CFAP299: variants seen among roughly 807,000 people sequenced by gnomAD.
CFAP299 encodes cilia- and flagella-associated protein 299.
A neutral mutation model predicts 27.0 loss-of-function variants in CFAP299; 21 were observed. That is an observed-to-expected ratio of 0.78 (90% CI 0.55 to 1.12). The LOEUF (loss-of-function observed/expected upper bound fraction) is 1.12. CFAP299 is among the 50% of genes most tolerant of loss of function. The probability of loss-of-function intolerance (pLI) is 0.00; values close to 1 mark genes in which losing one functional copy is unlikely to be tolerated. For missense variants in CFAP299, 310 were observed against 276.6 expected, an observed-to-expected ratio of 1.12 and a Z score of -0.86; for synonymous variants, 104 against 98.1, an observed-to-expected ratio of 1.06 and a Z score of -0.36.
intron 2 of CFAP299, chr4:80,387,496 C>T: frequency 2.4e-6 from 2 of 818,178 alleles, no homozygotes; most frequent in South Asian, 3.0e-5. Flanking sequence ...GGCTGTGGGC[C>T]AGGCCTGGAG....
intron 3 of CFAP299, among the ~76,000 whole-genome samples, chr4:80,679,304 C>T (rs1474636482): frequency 1.3e-5 from 2 of 151,922 alleles, no homozygotes; most frequent in Non-Finnish European, 2.9e-5. Context: ...TTTGTTTGCC[C>T]TTCAGTCAAT....
chr4:80,577,239 A>G (rs927440743), intron 2 of CFAP299, among the ~76,000 whole-genome samples: 1 of 152,162 alleles, frequency 6.6e-6, no homozygotes, highest in Non-Finnish European at 1.5e-5. Context: ...TATACTTCCT[A>G]TTAGAGTTTA....
upstream of CFAP299, among the ~76,000 whole-genome samples, chr4:80,335,411 T>C (rs1470672583): frequency 6.6e-6 from 1 of 152,262 alleles, no homozygotes; most frequent in African/African-American, 2.4e-5. Context: ...TATTTTTGTC[T>C]TGCATAACAT....
chr4:80,687,286 C>T lies in CFAP299; in HGVS notation c.333+104103C>T, dbSNP rs140997879. Among the ~76,000 whole-genome samples, 772 of 152,300 alleles carry T rather than the reference C, an allele frequency of 5.1e-3. 5 individuals carry two copies. The highest frequency in any genetic ancestry group is 0.02 in the Middle Eastern group (6 of 294). ...CGTGTCACACCCCAGCTCTACCACTCGTGATCTCCTCAGCCTTAGAACTCT... is the reference window on the plus strand; with the variant it reads ...CGTGTCACACCCCAGCTCTACCACTTGTGATCTCCTCAGCCTTAGAACTCT... On this transcript the variant is annotated intron_variant, in intron 3 of 5. Transcript: ENST00000358105.
At chr4:80,327,030 G>C in the CFAP299 span, among the ~76,000 whole-genome samples, 2 of 152,178 alleles carry the variant, frequency 1.3e-5, no homozygotes, top group Admixed American at 1.3e-4. Context: ...GTGATCACTA[G>C]GCAGACGTTA....
Position 80,390,756 on chromosome 4 carries a change from C to CACAT in CFAP299, c.242+27873_242+27874insCATA, listed in dbSNP as rs1725370348. 7.5e-4 allele frequency among the ~76,000 whole-genome samples: 72 copies of CACAT among 96,228 alleles called. 1 individual carries two copies. The highest frequency in any genetic ancestry group is 2.8e-3 in the African/African-American group (65 of 23,338). 63.1% of individuals were successfully genotyped at this position (96,228 alleles called of 152,430 possible). ...ATATGTATATATGTATATATACACA[C>CACAT]ATATGTATATATGTATATATACATA... On this transcript the variant is annotated intron_variant, in intron 2 of 5. Coordinates refer to ENST00000358105, the MANE Select transcript of CFAP299 (RefSeq NM_152770.3).
At chr4:80,420,684 G>A (rs912459164) in intron 2 of CFAP299, among the ~76,000 whole-genome samples, 3 of 151,998 alleles carry the variant, frequency 2.0e-5, no homozygotes, top group Non-Finnish European at 4.4e-5. Flanking sequence ...CAGATGTATG[G>A]CTTGTCAATA....
chr4:80,747,227 CTTTA>C (rs1159966529), intron 3 of CFAP299, among the ~76,000 whole-genome samples: 1 of 151,940 alleles, frequency 6.6e-6, no homozygotes, highest in Non-Finnish European at 1.5e-5. Flanking sequence ...TGGCATAGTA[CTTTA>C]TTATCATTAT....
chr4:80,333,138 C>T (rs1161280211), upstream of CFAP299, among the ~76,000 whole-genome samples: 3 of 152,104 alleles, frequency 2.0e-5, no homozygotes, highest in South Asian at 2.1e-4. Context: ...AGCAAACTCC[C>T]GGATTATGAC....
intron 2 of CFAP299, among the ~76,000 whole-genome samples, chr4:80,479,638 A>G (rs527371432): frequency 3.9e-5 from 6 of 152,158 alleles, no homozygotes; most frequent in Middle Eastern, 3.4e-3. Flanking sequence ...ATTTGTAATG[A>G]AAACTGATCT....
At chr4:80,900,762 A>T (rs1734848941) in intron 4 of CFAP299, among the ~76,000 whole-genome samples, 1 of 151,858 alleles carries the variant, frequency 6.6e-6, no homozygotes, top group Non-Finnish European at 1.5e-5. Flanking sequence ...AAATAATAAT[A>T]ATAATAATAA....
intron 2 of CFAP299, among the ~76,000 whole-genome samples, chr4:80,364,512 C>T (rs1000716046): frequency 6.6e-6 from 1 of 152,122 alleles, no homozygotes; most frequent in Non-Finnish European, 1.5e-5. Context: ...TACACTGTGC[C>T]CATCTAATGA....
At chr4:80,546,680 A>G (rs965273999) in intron 2 of CFAP299, among the ~76,000 whole-genome samples, 4 of 151,956 alleles carry the variant, frequency 2.6e-5, no homozygotes, top group Non-Finnish European at 4.4e-5. Flanking sequence ...TGGTTGTTGT[A>G]ATGTGTGGCA....
intron 4 of CFAP299, among the ~76,000 whole-genome samples, chr4:80,932,592 T>C (rs1736676154): frequency 6.6e-6 from 1 of 152,204 alleles, no homozygotes; most frequent in Non-Finnish European, 1.5e-5. Flanking sequence ...TTCCACGTAA[T>C]ATAATTTTTT....
At chr4:80,554,079 A>G (rs549732375) in intron 2 of CFAP299, among the ~76,000 whole-genome samples, 1 of 152,220 alleles carries the variant, frequency 6.6e-6, no homozygotes, top group African/African-American at 2.4e-5. Context: ...TTGTATGTCC[A>G]GGATGGTATT....
At chr4:80,579,855 G>T (rs1366165691) in intron 2 of CFAP299, among the ~76,000 whole-genome samples, 1 of 152,022 alleles carries the variant, frequency 6.6e-6, no homozygotes, top group Admixed American at 6.6e-5. Context: ...AAGGCTACAG[G>T]CAAAACTGAT....
At position 80,955,232 on chromosome 4, in the gene CFAP299, G is replaced by A. The variant is rs138240563; in HGVS notation, c.607-8285G>A. On this transcript the variant is annotated intron_variant, in intron 5 of 5. Coordinates refer to ENST00000358105, the MANE Select transcript of CFAP299 (RefSeq NM_152770.3). ...GAAATGGTCATCAGGGCTCAGGCAG[G>A]GCAAAGCTCTTAAGAGGAGCAATGC... Among the ~76,000 whole-genome samples, 128 of 152,144 alleles carry A rather than the reference G, an allele frequency of 8.4e-4. No homozygotes were observed. In the Middle Eastern group the frequency reaches 0.017, roughly 20 times the overall value.
intron 4 of CFAP299, among the ~76,000 whole-genome samples, chr4:80,939,484 T>C (rs1304217410): frequency 6.6e-6 from 1 of 152,042 alleles, no homozygotes; most frequent in Admixed American, 6.6e-5. Flanking sequence ...TTTTTTTCAG[T>C]CATTGTAGTC....
chr4:80,773,056 G>T (rs897181859), intron 3 of CFAP299, among the ~76,000 whole-genome samples: 1 of 152,156 alleles, frequency 6.6e-6, no homozygotes, highest in Non-Finnish European at 1.5e-5. Flanking sequence ...CACGTCCTTT[G>T]CAGGGACATG....
Sources: gnomAD v4.1 joint callset for allele counts (sites outside exome capture counted in the v4.1 genomes callset) on GRCh38, gnomAD v4.1.1 for gene constraint, MANE v1.5 for transcripts, NCBI Gene and HGNC (gene_info 2026-07-23, HGNC 2026-07-21) for gene names.